CASP4: variants seen among roughly 807,000 people sequenced by gnomAD.
CASP4 encodes caspase-4.
CASP4 carries 29 observed loss-of-function variants against 41.3 expected under a neutral mutation model. The ratio of observed to expected loss-of-function variants is 0.70; its 90% CI spans 0.52 to 0.96. The LOEUF is 0.96. Ranked by LOEUF, CASP4 falls within the 40% of genes least tolerant of loss-of-function variation. CASP4 has a pLI of 0.00. For missense variants in CASP4, 447 were observed against 460.6 expected (o/e 0.97, Z 0.27); for synonymous variants, 185 against 158.4 (o/e 1.17, Z -1.26).
intron 3 of CASP4, 98 bp downstream of exon 3, chr11:104,951,798 C>T: frequency 1.3e-6 from 1 of 797,162 alleles, no homozygotes. Context: ...TTACTGTCAT[C>T]CCCACCCCCA....
intron 1 of CASP4, among the ~76,000 whole-genome samples, chr11:104,964,839 A>T (rs970371295): frequency 6.6e-6 from 1 of 152,220 alleles, no homozygotes; most frequent in Non-Finnish European, 1.5e-5. Flanking sequence ...TTGGCTCTTA[A>T]AAAGTCTTAT....
At chr11:104,947,742 A>C (rs1056568960) in intron 6 of CASP4, 1 of 152,226 alleles carries the variant, frequency 6.6e-6, no homozygotes, top group African/African-American at 2.4e-5. Context: ...GGGTGGTGCC[A>C]GTAGTAACCA....
At chr11:104,957,146 T>C (rs1250423113) in intron 1 of CASP4, among the ~76,000 whole-genome samples, 1 of 152,092 alleles carries the variant, frequency 6.6e-6, no homozygotes, top group African/African-American at 2.4e-5. Context: ...TGGTCTTATA[T>C]ACGGAAAACC....
intron 5 of CASP4, chr11:104,948,947 C>A: frequency 4.0e-6 from 1 of 248,048 alleles, no homozygotes; most frequent in Non-Finnish European, 7.8e-6. Context: ...AAAAATAGCT[C>A]CCAAGAGCTA....
intron 1 of CASP4, 35 bp downstream of exon 1, chr11:104,968,484 C>G (rs1259711170): frequency 1.3e-6 from 2 of 1,595,566 alleles, no homozygotes; most frequent in South Asian, 2.2e-5. Context: ...TTTCTAAGTT[C>G]CTACTCCCAA....
intron 1 of CASP4, 50 bp from the exon 2 acceptor site, chr11:104,955,051 T>C (rs1860707221): frequency 2.6e-6 from 4 of 1,559,050 alleles, no homozygotes; most frequent in Non-Finnish European, 3.5e-6. Flanking sequence ...CTTAAAGAGT[T>C]TCACCCTCAC....
intron 8 of CASP4, chr11:104,944,501 A>G (rs1189927218): frequency 4.7e-6 from 2 of 425,356 alleles, no homozygotes; most frequent in Non-Finnish European, 8.5e-6. Flanking sequence ...TTGGTTTTTC[A>G]TCATCACATT....
At chr11:104,965,911 C>T (rs549552160) in intron 1 of CASP4, among the ~76,000 whole-genome samples, 4 of 152,268 alleles carry the variant, frequency 2.6e-5, no homozygotes, top group African/African-American at 4.8e-5. Context: ...AGTAATCTAA[C>T]CCAACCAGTT....
intron 8 of CASP4, chr11:104,943,684 A>C (rs950435691): frequency 6.6e-6 from 1 of 152,202 alleles, no homozygotes; most frequent in Non-Finnish European, 1.5e-5. Flanking sequence ...GGCATATTCC[A>C]AGCATCTAGA....
At chr11:104,953,976 T>A (rs897288314) in intron 2 of CASP4, among the ~76,000 whole-genome samples, 3 of 152,166 alleles carry the variant, frequency 2.0e-5, no homozygotes, top group Non-Finnish European at 4.4e-5. Flanking sequence ...AACTAGTATT[T>A]ATTGAATGCA....
chr11:104,955,090 C>A, intron 1 of CASP4, 89 bp from the exon 2 acceptor site: 1 of 1,297,052 alleles, frequency 7.7e-7, no homozygotes, highest in South Asian at 1.4e-5. Context: ...ATGTGAAATA[C>A]TTCTGAAAGT....
rs1430593130 is a variant in CASP4, at chr11:104,951,237, T to C, written c.373-139A>G. ...TGTATCAAAAGACACTGACTTTCTC[T>C]CTCTCAAGAACCCAGGGAAAGAACC... On this transcript the variant is annotated intron_variant, in intron 3 of 8. Coordinates refer to ENST00000444739, the MANE Select transcript of CASP4 (RefSeq NM_001225.4). 9.1e-6 allele frequency: 6 copies of C among 657,736 alleles called. No homozygotes were observed. The East Asian group carries it at 1.7e-4, about 18-fold the overall frequency. The allele number at this position is 657,736 out of a possible 1,614,324, so 40.7% of individuals were successfully genotyped here.
chr11:104,968,410 TCAA>T, intron 1 of CASP4, 106 bp downstream of exon 1: 4 of 971,614 alleles, frequency 4.1e-6, no homozygotes, highest in Middle Eastern at 4.3e-4. Context: ...GAAAAGGAAT[TCAA>T]CATGTGTGCT....
intron 4 of CASP4, among the ~76,000 whole-genome samples, chr11:104,950,586 A>G (rs1860582908): frequency 6.6e-6 from 1 of 152,004 alleles, no homozygotes; most frequent in African/African-American, 2.4e-5. Flanking sequence ...TTAGGATTCA[A>G]TATTTGTTTT....
At chr11:104,946,931 T>C in intron 7 of CASP4, 152 bp downstream of exon 7, 1 of 584,626 alleles carries the variant, frequency 1.7e-6, no homozygotes, top group East Asian at 2.7e-5. Context: ...AATTGTCTTT[T>C]CCTTAGCCAT....
chr11:104,954,598 G>C, intron 2 of CASP4, 149 bp downstream of exon 2: 1 of 739,820 alleles, frequency 1.4e-6, no homozygotes, highest in South Asian at 1.8e-5. Flanking sequence ...CAAAAGGGAA[G>C]TGGTCTCTAA....
chr11:104,968,396 G>A, intron 1 of CASP4, 123 bp downstream of exon 1: 1 of 867,352 alleles, frequency 1.2e-6, no homozygotes, highest in South Asian at 1.4e-5. Flanking sequence ...CACACAATCA[G>A]TAAGAAAAGG....
intron 8 of CASP4, chr11:104,944,344 G>GTCTCTC (rs71037288): frequency 0.012 from 1,686 of 142,122 alleles, 44 homozygotes; most frequent in African/African-American, 0.043. Context: ...GCTACTTAGT[G>GTCTCTC]TCTCTCTCTC....
chr11:104,947,166 T>C lies in CASP4; in HGVS notation c.952A>G (p.Met318Val), dbSNP rs1258884610. ...PHNVSWRDST[M>V]GSIFITQLIT... is the part of the protein sequence containing the mutation. The stretch of plus-strand genomic sequence containing the variant: ...AGTTGTGTGATGAAGATAGAGCCCA[T>C]TGTGCTGTCTCTCCAGGACACGTTG... Residue 318 changes from methionine (M) to valine (V), a missense_variant, in exon 7 of 9, where the codon ATG becomes GTG. Coordinates refer to ENST00000444739, the MANE Select transcript of CASP4 (RefSeq NM_001225.4). 1 of 1,611,604 alleles carries C rather than the reference T, an allele frequency of 6.2e-7. No homozygotes were observed. Among genetic ancestry groups the C allele is most frequent in the Admixed American group, 1.7e-5 (1 of 59,954 alleles).
Sources: allele counts gnomAD v4.1 joint callset (sites outside exome capture counted in the v4.1 genomes callset), GRCh38; gene constraint gnomAD v4.1.1; transcripts MANE v1.5; gene names NCBI Gene and HGNC (gene_info 2026-07-23, HGNC 2026-07-21).